MAGI3: variants seen among roughly 807,000 people sequenced by gnomAD.
MAGI3 encodes the protein membrane associated guanylate kinase, WW and PDZ domain containing 3.
A neutral mutation model predicts 121.8 loss-of-function variants in MAGI3; 43 were observed. The observed-to-expected ratio is 0.35, with a 90% confidence interval of 0.28 to 0.46. The LOEUF is 0.46. Among genes scored for constraint, MAGI3 ranks in the 20% least tolerant of loss-of-function variants. The pLI is 1.00. For missense variants in MAGI3, 1,547 were observed against 1,797.3 expected (o/e 0.86, Z 2.52); for synonymous variants, 553 against 639.3 (o/e 0.86, Z 2.04).
rs867962826 is a variant in MAGI3 at position 113,422,759 on chromosome 1, G to T, written c.316+31410G>T. Among the ~76,000 whole-genome samples the T allele has an allele frequency of 6.6e-6, 1 of 152,208 alleles. No individual in the cohort carries two copies. Among genetic ancestry groups the T allele is most frequent in the Non-Finnish European group, 1.5e-5 (1 of 68,026 alleles). On this transcript the variant is annotated intron_variant, in intron 1 of 20. Coordinates refer to ENST00000307546, the MANE Select transcript of MAGI3 (RefSeq NM_001142782.2). This position sits in a 1 kb window ranked among gnomAD's most constrained non-coding sequence, Gnocchi z 4.3. ...AACCCTATTGCCCTCAGTGTGGCGAGTGGGGGAGGCATGTTTCGGGGGGCA... is the reference window on the plus strand; with the variant it reads ...AACCCTATTGCCCTCAGTGTGGCGATTGGGGGAGGCATGTTTCGGGGGGCA...
chr1:113,665,108 A>C (rs1653967877), intron 16 of MAGI3, among the ~76,000 whole-genome samples: 1 of 152,058 alleles, frequency 6.6e-6, no homozygotes, highest in African/African-American at 2.4e-5. Flanking sequence ...CTAATACCAG[A>C]TTTGTAATTT....
At chr1:113,503,714 A>C (rs1017430151) in intron 1 of MAGI3, among the ~76,000 whole-genome samples, 2 of 152,156 alleles carry the variant, frequency 1.3e-5, no homozygotes, top group African/African-American at 2.4e-5. Context: ...AGAACATTAC[A>C]CTTAAATTAT....
chr1:113,529,172 T>C lies in MAGI3; in HGVS notation c.317-20343T>C, dbSNP rs149823217. ...ACCACCCTGTCATAGGTAAACATTT[T>C]TATTCATTTCTAGTTTAGCCTCCTA... is the stretch of plus-strand genomic sequence containing the variant. On this transcript the variant is annotated intron_variant, in intron 1 of 20. Coordinates refer to ENST00000307546, the MANE Select transcript of MAGI3 (RefSeq NM_001142782.2). Among the ~76,000 whole-genome samples the C allele has an allele frequency of 3.3e-3, 500 of 152,340 alleles. 1 individual carries two copies. The highest frequency in any genetic ancestry group is 0.011 in the African/African-American group (443 of 41,582).
intron 2 of MAGI3, among the ~76,000 whole-genome samples, chr1:113,554,857 GGCATGT>G (rs1404897992): frequency 2.0e-5 from 3 of 152,152 alleles, no homozygotes; most frequent in Non-Finnish European, 4.4e-5. Context: ...TGGGCATGCT[GGCATGT>G]GCCTGTAATC....
chr1:113,438,659 G>A (rs1339771273), intron 1 of MAGI3, among the ~76,000 whole-genome samples: 5 of 152,172 alleles, frequency 3.3e-5, no homozygotes, highest in Non-Finnish European at 7.3e-5. Context: ...TGGTGAGAGA[G>A]AGATCAAGAG....
intron 2 of MAGI3, among the ~76,000 whole-genome samples, chr1:113,572,104 G>C (rs558997472): frequency 6.6e-6 from 1 of 152,148 alleles, no homozygotes; most frequent in Non-Finnish European, 1.5e-5. Context: ...TTAGCATGAA[G>C]GTGTATTGAA....
In MAGI3 at chr1:113,422,174, T is replaced by A. The variant is rs187416144; in HGVS notation, c.316+30825T>A. On this transcript the variant is annotated intron_variant, in intron 1 of 20. Transcript: ENST00000307546. This position sits in a 1 kb window ranked among gnomAD's most constrained non-coding sequence, Gnocchi z 4.3. ...GTAGTTATAAGAAATAATAGAGATC[T>A]TGTATACCTTTCCCTTAGTTTGCAC... Among the ~76,000 whole-genome samples the A allele has an allele frequency of 2.9e-3, 442 of 152,362 alleles. 3 individuals carry two copies. The highest frequency in any genetic ancestry group is 0.01 in the African/African-American group (425 of 41,586).
chr1:113,478,564 G>T (rs981587229), intron 1 of MAGI3, among the ~76,000 whole-genome samples: 5 of 152,304 alleles, frequency 3.3e-5, no homozygotes, highest in African/African-American at 9.6e-5. Flanking sequence ...GGAGGCTGTA[G>T]AACAGCAAAT....
chr1:113,660,831 T>A (rs1183666683), intron 16 of MAGI3, among the ~76,000 whole-genome samples: 1 of 149,598 alleles, frequency 6.7e-6, no homozygotes, highest in Non-Finnish European at 1.5e-5. Context: ...CTCGAACTCC[T>A]GGGCTCAAGC....
chr1:113,645,909 A>T (rs911975479), intron 11 of MAGI3, among the ~76,000 whole-genome samples: 1 of 152,176 alleles, frequency 6.6e-6, no homozygotes. Flanking sequence ...ATATGCTACT[A>T]TGCTTTCCCT....
chr1:113,667,545 C>T (rs1485873782), intron 16 of MAGI3, among the ~76,000 whole-genome samples: 1 of 152,234 alleles, frequency 6.6e-6, no homozygotes, highest in Non-Finnish European at 1.5e-5. Context: ...GATCTTCTAT[C>T]CAGACCACTA....
Position 113,684,628 on chromosome 1 carries a change from T to C in MAGI3, c.*614T>C, listed in dbSNP as rs1274948827. 6.6e-6 allele frequency: 1 copy of C among 152,374 alleles called. No homozygotes were observed. The highest frequency in any genetic ancestry group is 1.5e-5 in the Non-Finnish European group (1 of 68,030). 9.4% of individuals were successfully genotyped at this position (152,374 alleles called of 1,614,324 possible). ...AAAAAAAAATGTAGTCCAATATTGA[T>C]GCTTTCTTATGGCTTTTTATTTTAA... On this transcript the variant is annotated 3_prime_UTR_variant, in exon 21 of 21. Transcript: ENST00000307546.
intron 1 of MAGI3, among the ~76,000 whole-genome samples, chr1:113,473,427 C>T (rs1409645783): frequency 6.8e-6 from 1 of 147,262 alleles, no homozygotes; most frequent in African/African-American, 2.5e-5. Flanking sequence ...CCCCCCACCC[C>T]CTGACAGGCC....
chr1:113,513,810 G>A (rs1012725436), intron 1 of MAGI3, among the ~76,000 whole-genome samples: 3 of 152,126 alleles, frequency 2.0e-5, no homozygotes, highest in African/African-American at 7.2e-5. Context: ...CTTCTGCACA[G>A]CAAAAGAAAC....
chr1:113,491,276 C>G (rs1369030576), intron 1 of MAGI3, among the ~76,000 whole-genome samples: 1 of 152,104 alleles, frequency 6.6e-6, no homozygotes, highest in Non-Finnish European at 1.5e-5. Flanking sequence ...TGAATAAACT[C>G]TTGGATAAAT....
At chr1:113,611,380 G>A (rs889470335) in intron 6 of MAGI3, among the ~76,000 whole-genome samples, 1 of 152,042 alleles carries the variant, frequency 6.6e-6, no homozygotes, top group Non-Finnish European at 1.5e-5. Context: ...GAGTCACCGT[G>A]CCGGCCCATT....
rs1557748878 is a variant in MAGI3, at chr1:113,422,961, T to C, written c.316+31612T>C. Among the ~76,000 whole-genome samples, 2 of 152,112 alleles carry C rather than the reference T, an allele frequency of 1.3e-5. No individual in the cohort carries two copies. Among genetic ancestry groups the C allele is most frequent in the Non-Finnish European group, 2.9e-5 (2 of 68,022 alleles). On this transcript the variant is annotated intron_variant, in intron 1 of 20. Transcript: ENST00000307546. The surrounding 1 kb of genome is among the most constrained non-coding windows in gnomAD (Gnocchi z 4.3). ...CTCTGGCTTGGGGAATCCTGAGGTC[T>C]GGGCCCCCAGAAGGGTTGCCACCCT...
intron 16 of MAGI3, among the ~76,000 whole-genome samples, chr1:113,667,262 G>A (rs79844343): frequency 2.0e-5 from 3 of 152,190 alleles, no homozygotes; most frequent in African/African-American, 7.2e-5. Context: ...AGGCTGTTTT[G>A]TCTACCTTGA....
intron 3 of MAGI3, among the ~76,000 whole-genome samples, chr1:113,585,010 C>A (rs2101726628): frequency 7.7e-6 from 1 of 130,370 alleles, no homozygotes; most frequent in South Asian, 2.4e-4. Context: ...CTCTGTCACC[C>A]AGGCTGGAGT....
Sources: allele counts gnomAD v4.1 joint callset (sites outside exome capture counted in the v4.1 genomes callset), GRCh38; gene constraint gnomAD v4.1.1; non-coding constraint Gnocchi (gnomAD v3.1); transcripts MANE v1.5; gene names NCBI Gene and HGNC (gene_info 2026-07-23, HGNC 2026-07-21).